CBLB: variants seen among roughly 807,000 people sequenced by gnomAD.
The protein encoded by CBLB is E3 ubiquitin-protein ligase CBL-B.
CBLB carries 31 observed loss-of-function variants against 104.9 expected under a neutral mutation model. That is an observed-to-expected ratio of 0.30 (90% CI 0.22 to 0.40). CBLB has a LOEUF of 0.40. Ranked by LOEUF, CBLB falls within the 10% of genes least tolerant of loss-of-function variation. CBLB has a pLI of 1.00. For synonymous variants in CBLB, 440 were observed against 422.6 expected, an observed-to-expected ratio of 1.04 and a Z score of -0.51; for missense variants, 1,062 against 1,214.6, an observed-to-expected ratio of 0.87 and a Z score of 1.87.
chr3:105,661,842 A>G (rs1048424203), intron 18 of CBLB, among the ~76,000 whole-genome samples: 1 of 152,226 alleles, frequency 6.6e-6, no homozygotes, highest in Non-Finnish European at 1.5e-5. Flanking sequence ...ACCAGGTAGT[A>G]TAACAATTAA....
chr3:105,727,785 T>C (rs1358401557), intron 9 of CBLB, among the ~76,000 whole-genome samples: 1 of 152,156 alleles, frequency 6.6e-6, no homozygotes, highest in African/African-American at 2.4e-5. Context: ...CCCAACACCG[T>C]TTATTAAATA....
intron 14 of CBLB, 58 bp from the exon 15 acceptor site, chr3:105,681,876 C>G: frequency 9.9e-7 from 1 of 1,010,140 alleles, no homozygotes; most frequent in South Asian, 1.3e-5. Flanking sequence ...TTAAAAGTAA[C>G]TTGAGAGGTA....
At chr3:105,814,457 A>C (rs1315984322) in intron 3 of CBLB, among the ~76,000 whole-genome samples, 1 of 152,208 alleles carries the variant, frequency 6.6e-6, no homozygotes, top group Non-Finnish European at 1.5e-5. Flanking sequence ...TACAAAACTA[A>C]AATTGTTTAA....
chr3:105,670,157 A>C, intron 18 of CBLB, 76 bp downstream of exon 18: 1 of 1,202,676 alleles, frequency 8.3e-7, no homozygotes, highest in Non-Finnish European at 1.2e-6. Flanking sequence ...TATATAATGA[A>C]TAAGAAGGTG....
intron 3 of CBLB, among the ~76,000 whole-genome samples, chr3:105,797,611 G>C (rs1198046427): frequency 6.6e-6 from 1 of 152,128 alleles, no homozygotes; most frequent in East Asian, 1.9e-4. Flanking sequence ...TTAAAAGACA[G>C]AGAAAGAGAA....
At chr3:105,845,799 T>G (rs2090172982) in intron 3 of CBLB, among the ~76,000 whole-genome samples, 1 of 152,120 alleles carries the variant, frequency 6.6e-6, no homozygotes, top group Admixed American at 6.6e-5. Context: ...AATGAGCCCC[T>G]TCATTTCCAA....
intron 2 of CBLB, among the ~76,000 whole-genome samples, chr3:105,858,752 C>T (rs1226640595): frequency 1.3e-5 from 2 of 152,244 alleles, no homozygotes; most frequent in African/African-American, 4.8e-5. Context: ...TATTGAAATA[C>T]AGAACTAGAA....
chr3:105,851,974 C>G (rs7629357), intron 3 of CBLB, among the ~76,000 whole-genome samples: 32,422 of 152,020 alleles, frequency 0.21, 3,649 homozygotes, highest in East Asian at 0.42. Context: ...TACTGTGCCA[C>G]CAGTCACATA....
At position 105,856,799 on chromosome 3, in the gene CBLB, T is replaced by C. The variant is rs142959147; in HGVS notation, c.169-3135A>G. Among the ~76,000 whole-genome samples the C allele has an allele frequency of 7.6e-3, 1,156 of 152,294 alleles. 10 individuals carry two copies. Among genetic ancestry groups the C allele is most frequent in the Non-Finnish European group, 0.01 (696 of 68,012 alleles). ...AAATCTTTACAAAGTATAGTGAAAA[T>C]GGCTGACAGAGCTTTTTTTACCCCC... On this transcript the variant is annotated intron_variant, in intron 2 of 18. Coordinates refer to ENST00000394030, the MANE Select transcript of CBLB (RefSeq NM_170662.5).
chr3:105,668,588 G>GTT (rs1175113850), intron 18 of CBLB, among the ~76,000 whole-genome samples: 1 of 152,062 alleles, frequency 6.6e-6, no homozygotes, highest in Non-Finnish European at 1.5e-5. Context: ...TGACTTTCAT[G>GTT]TTTTGTCATC....
At chr3:105,851,627 T>G (rs527338455) in intron 3 of CBLB, among the ~76,000 whole-genome samples, 1 of 152,234 alleles carries the variant, frequency 6.6e-6, no homozygotes, top group Non-Finnish European at 1.5e-5. Flanking sequence ...CAGAGGAGAT[T>G]TATGGGAACT....
chr3:105,722,481 G>C lies in CBLB; in HGVS notation c.1204-2231C>G, dbSNP rs115723634. 1.4e-4 allele frequency among the ~76,000 whole-genome samples: 21 copies of C among 152,078 alleles called. No homozygotes were observed. The South Asian group carries it at 4.2e-3, about 30-fold the overall frequency. On this transcript the variant is annotated intron_variant, in intron 9 of 18. Coordinates refer to ENST00000394030, the MANE Select transcript of CBLB (RefSeq NM_170662.5). ...CTCTTGTTCCTTTCACTCTTAGATC[G>C]TTTTGAAGTACCTCCTACACATCAT...
At chr3:105,685,552 C>T (rs2066902781) in intron 13 of CBLB, 86 bp from the exon 14 acceptor site, 2 of 1,048,392 alleles carry the variant, frequency 1.9e-6, no homozygotes, top group Non-Finnish European at 2.9e-6. Context: ...GTCAAAGAAG[C>T]TACTTTATCA....
chr3:105,784,007 C>A (rs1429391432), intron 3 of CBLB, among the ~76,000 whole-genome samples: 2 of 152,152 alleles, frequency 1.3e-5, no homozygotes, highest in Non-Finnish European at 2.9e-5. Flanking sequence ...GCAGGATTAA[C>A]ATCTCTTTGA....
intron 2 of CBLB, among the ~76,000 whole-genome samples, chr3:105,857,488 C>T (rs1391846317): frequency 6.6e-6 from 1 of 152,026 alleles, no homozygotes; most frequent in South Asian, 2.1e-4. Flanking sequence ...GTAAAGATTC[C>T]ACCCAATCCA....
intron 3 of CBLB, among the ~76,000 whole-genome samples, chr3:105,785,032 C>T (rs1411172509): frequency 6.6e-6 from 1 of 152,180 alleles, no homozygotes; most frequent in Non-Finnish European, 1.5e-5. Flanking sequence ...ATGTGACATG[C>T]CACAACACTT....
chr3:105,747,388 G>C (rs2076211613), intron 5 of CBLB, among the ~76,000 whole-genome samples: 1 of 152,158 alleles, frequency 6.6e-6, no homozygotes, highest in Non-Finnish European at 1.5e-5. Flanking sequence ...TGTTAAGCAA[G>C]TTACAAATTT....
intron 4 of CBLB, among the ~76,000 whole-genome samples, chr3:105,765,052 G>C (rs1228263876): frequency 6.6e-6 from 1 of 152,208 alleles, no homozygotes; most frequent in African/African-American, 2.4e-5. Context: ...TAACATAAAA[G>C]TGCAAGGTGA....
Position 105,852,988 on chromosome 3 carries a change from A to T in CBLB, c.419+426T>A, listed in dbSNP as rs567697532. ...CACCTCAGCCTCTCAAAGTGCTGGGATTACAGGCATGACCCACCACGCCCG... is the reference window on the plus strand; with the variant it reads ...CACCTCAGCCTCTCAAAGTGCTGGGTTTACAGGCATGACCCACCACGCCCG... On this transcript the variant is annotated intron_variant, in intron 3 of 18. Transcript: ENST00000394030. Among the ~76,000 whole-genome samples the T allele has an allele frequency of 8.7e-4, 133 of 152,282 alleles. 1 individual carries two copies. The highest frequency in any genetic ancestry group is 3.1e-3 in the African/African-American group (129 of 41,552).
Sources: allele counts gnomAD v4.1 joint callset (sites outside exome capture counted in the v4.1 genomes callset), GRCh38; gene constraint gnomAD v4.1.1; transcripts MANE v1.5; gene names NCBI Gene and HGNC (gene_info 2026-07-23, HGNC 2026-07-21).